NUP214: variants seen among roughly 807,000 people sequenced by gnomAD.
The protein encoded by NUP214 is nuclear pore complex protein Nup214.
A neutral mutation model predicts 196.2 loss-of-function variants in NUP214; 79 were observed. The ratio of observed to expected loss-of-function variants is 0.40; its 90% CI spans 0.34 to 0.49. The LOEUF (loss-of-function observed/expected upper bound fraction) is 0.49. Ranked by LOEUF, NUP214 falls within the 20% of genes least tolerant of loss-of-function variation. The pLI is 0.58. For synonymous variants in NUP214, 1,020 were observed against 990.5 expected (o/e 1.03, Z -0.56); for missense variants, 2,468 against 2,539.0 (o/e 0.97, Z 0.60).
At chr9:131,145,712 C>T (rs1832068723) in intron 12 of NUP214, among the ~76,000 whole-genome samples, 1 of 152,162 alleles carries the variant, frequency 6.6e-6, no homozygotes, top group Admixed American at 6.5e-5. Context: ...CTTCCTTTTT[C>T]ACTCCCCAGA....
Position 131,187,339 on chromosome 9 carries a change from C to T in NUP214, c.3470C>T (p.Pro1157Leu). The change falls in exon 25 of 36, where the codon CCA becomes CTA. Residue 1157 changes from proline (P) to leucine (L), a missense_variant. Around this residue, in one of 5 missense-constraint regions of NUP214, gnomAD observed 1,801 missense variants for 1,779.4 expected, o/e 1.01. Coordinates refer to ENST00000359428, the MANE Select transcript of NUP214 (RefSeq NM_005085.4). Reference protein sequence around the residue: ...TAKTPHPVLTPVAANQAKQGS... With the variant: ...TAKTPHPVLTLVAANQAKQGS... Reference sequence around the variant, plus strand: ...AAAACACCTCACCCAGTGTTGACCCCAGTGGCTGCTAACCAAGCCAAGCAG... The same window carrying T: ...AAAACACCTCACCCAGTGTTGACCCTAGTGGCTGCTAACCAAGCCAAGCAG... The T allele has an allele frequency of 1.9e-6, 3 of 1,613,312 alleles. No homozygotes were observed. The highest frequency in any genetic ancestry group is 2.5e-6 in the Non-Finnish European group (3 of 1,179,738).
rs1834601684 is a variant in NUP214, at chr9:131,222,864, A to G, written c.5836A>G (p.Thr1946Ala). The change falls in exon 32 of 36, where the codon ACT becomes GCT. Residue 1946 changes from threonine (T) to alanine (A), a missense_variant. Transcript: ENST00000359428. ...SSFGEQKPTG[T>A]FSSGGGSVAS... is the part of the protein sequence containing the mutation. ...GTTTGGAGAGCAGAAACCCACTGGCACTTTCAGCTCTGGAGGAGGAAGTGT... is the reference window on the plus strand; with the variant it reads ...GTTTGGAGAGCAGAAACCCACTGGCGCTTTCAGCTCTGGAGGAGGAAGTGT... 1 of 1,614,076 alleles carries G rather than the reference A, an allele frequency of 6.2e-7. No individual in the cohort carries two copies. The highest frequency in any genetic ancestry group is 1.7e-5 in the Admixed American group (1 of 60,004).
At chr9:131,163,991 A>G (rs1832715309) in intron 20 of NUP214, 36 bp downstream of exon 20, 2 of 1,612,174 alleles carry the variant, frequency 1.2e-6, no homozygotes, top group Middle Eastern at 1.6e-4. Flanking sequence ...AACTCCCTTT[A>G]TTCTCTTCCA....
intron 30 of NUP214, 44 bp downstream of exon 30, chr9:131,201,761 C>T (rs1290590504): frequency 5.3e-6 from 8 of 1,516,848 alleles, no homozygotes; most frequent in Non-Finnish European, 7.3e-6. Context: ...TGTATCAAAC[C>T]CATTCAGTTT....
chr9:131,191,513 G>A lies in NUP214; in HGVS notation c.3575-695G>A, dbSNP rs532359842. 19 of 152,224 alleles carry A rather than the reference G, an allele frequency of 1.2e-4. No individual in the cohort carries two copies. In the East Asian group the frequency reaches 3.7e-3, roughly 29 times the overall value. 9.4% of individuals were successfully genotyped at this position (152,224 alleles called of 1,614,324 possible). On this transcript the variant is annotated intron_variant, in intron 26 of 35. Transcript: ENST00000359428. The stretch of plus-strand genomic sequence containing the variant: ...GTAGAGCAGTAGGGAAAAGATTGAA[G>A]ATTGTACCCAAACTATAAGTAAGTA...
chr9:131,233,164 T>C (rs1348670652), intron 35 of NUP214, among the ~76,000 whole-genome samples: 1 of 151,606 alleles, frequency 6.6e-6, no homozygotes, highest in Non-Finnish European at 1.5e-5. Flanking sequence ...TATATATATA[T>C]ACATATATAG....
intron 28 of NUP214, among the ~76,000 whole-genome samples, chr9:131,196,856 T>A (rs530357013): frequency 1.6e-3 from 241 of 152,356 alleles, no homozygotes; most frequent in Admixed American, 0.015. Context: ...CCACAGGCCA[T>A]TGCTGTGCTG....
chr9:131,199,392 C>T (rs1833885040), intron 29 of NUP214, among the ~76,000 whole-genome samples: 1 of 152,156 alleles, frequency 6.6e-6, no homozygotes, highest in Non-Finnish European at 1.5e-5. Flanking sequence ...TGTCAAGCCT[C>T]AAGGAGACTG....
At chr9:131,186,271 G>A (rs1438529915) in intron 24 of NUP214, among the ~76,000 whole-genome samples, 2 of 152,172 alleles carry the variant, frequency 1.3e-5, no homozygotes, top group African/African-American at 4.8e-5. Flanking sequence ...AGCATGAAAC[G>A]GGTTTTGTTT....
chr9:131,203,963 G>C lies in NUP214; in HGVS notation c.5592+2246G>C, dbSNP rs571819852. On this transcript the variant is annotated intron_variant, in intron 30 of 35. Coordinates refer to ENST00000359428, the MANE Select transcript of NUP214 (RefSeq NM_005085.4). ...AGAGACCCTTCAGCTGGGACTCCAT[G>C]TTGACAGGTCTCAGCCCCTGACTAG... Among the ~76,000 whole-genome samples the C allele has an allele frequency of 2.2e-4, 34 of 152,344 alleles. No homozygotes were observed. The South Asian group carries it at 3.7e-3, about 17-fold the overall frequency.
Position 131,146,396 on chromosome 9 carries a change from CAAGGTTA to C in NUP214, c.1945+93_1945+99del. Reference sequence around the variant, plus strand: ...AAGAGTCGTAGCTAACATAGTTGGACAAGGTTATTTTTTCTTGCTTCCTGTATCATAC... The same window carrying C: ...AAGAGTCGTAGCTAACATAGTTGGACTTTTTTCTTGCTTCCTGTATCATAC... On this transcript the variant is annotated intron_variant, in intron 13 of 35. Transcript: ENST00000359428. The surrounding 1 kb of genome is among the most constrained non-coding windows in gnomAD (Gnocchi z 4.6). 7.7e-7 allele frequency: 1 copy of C among 1,301,036 alleles called. No individual in the cohort carries two copies. Among genetic ancestry groups the C allele is most frequent in the African/African-American group, 1.5e-5 (1 of 67,768 alleles). The allele number at this position is 1,301,036 out of a possible 1,614,324, so 80.6% of individuals were successfully genotyped here.
In NUP214 at chr9:131,211,925, A is replaced by G. The variant is rs112622764; in HGVS notation, c.5593-3287A>G. Among the ~76,000 whole-genome samples, 1,391 of 152,334 alleles carry G rather than the reference A, an allele frequency of 9.1e-3. 16 individuals are homozygous for G. The highest frequency in any genetic ancestry group is 0.02 in the Middle Eastern group (6 of 294). Reference sequence around the variant, plus strand: ...CTGCGATTTTCATGGAACAAGGGAGATAACCATTGGGCCTGACTGCCTGAG... The same window carrying G: ...CTGCGATTTTCATGGAACAAGGGAGGTAACCATTGGGCCTGACTGCCTGAG... On this transcript the variant is annotated intron_variant, in intron 30 of 35. Transcript: ENST00000359428.
chr9:131,201,423 G>A (rs1287580880), intron 29 of NUP214, among the ~76,000 whole-genome samples: 1 of 151,744 alleles, frequency 6.6e-6, no homozygotes, highest in Non-Finnish European at 1.5e-5. Context: ...AAAATTAGCT[G>A]GGCATGGTGG....
intron 24 of NUP214, among the ~76,000 whole-genome samples, chr9:131,178,955 G>C (rs1833191454): frequency 6.6e-6 from 1 of 151,832 alleles, no homozygotes; most frequent in Non-Finnish European, 1.5e-5. Flanking sequence ...TGTTTTTTTG[G>C]TGGTGGTGGT....
rs1424292938 is a variant in NUP214, at chr9:131,129,495, TCA to T, written c.592+22_592+23del. 1.9e-6 allele frequency: 3 copies of T among 1,606,742 alleles called. No homozygotes were observed. In the East Asian group the frequency reaches 6.7e-5, roughly 36 times the overall value. On this transcript the variant is annotated intron_variant, in intron 4 of 35. Coordinates refer to ENST00000359428, the MANE Select transcript of NUP214 (RefSeq NM_005085.4). ...AACCTCTGGTGAGTAATAAAGGCTT[TCA>T]CACTGTAGCATACAATCATGGTCAT...
intron 4 of NUP214, 96 bp from the exon 5 acceptor site, chr9:131,130,670 A>G: frequency 8.8e-7 from 1 of 1,139,168 alleles, no homozygotes; most frequent in Middle Eastern, 2.1e-4. Context: ...CCATGGACTG[A>G]CAGAGGAATG....
At position 131,222,678 on chromosome 9, in the gene NUP214, C is replaced by T. The variant is rs887894581; in HGVS notation, c.5750-100C>T. ...TTGGCTTCTAGGCGGCTTGTCACTCCCATCTTTCCAAACACCCAACTGAGA... is the reference window on the plus strand; with the variant it reads ...TTGGCTTCTAGGCGGCTTGTCACTCTCATCTTTCCAAACACCCAACTGAGA... On this transcript the variant is annotated intron_variant, in intron 31 of 35. Coordinates refer to ENST00000359428, the MANE Select transcript of NUP214 (RefSeq NM_005085.4). 49 of 1,409,122 alleles carry T rather than the reference C, an allele frequency of 3.5e-5. No homozygotes were observed. The Middle Eastern group carries it at 5.9e-4, about 17-fold the overall frequency. 87.3% of individuals were successfully genotyped at this position (1,409,122 alleles called of 1,614,324 possible).
In NUP214 at chr9:131,146,233, G is replaced by T; in HGVS notation, c.1874G>T (p.Ser625Ile). 1 of 1,614,064 alleles carries T rather than the reference G, an allele frequency of 6.2e-7. No individual in the cohort carries two copies. Among genetic ancestry groups the T allele is most frequent in the Non-Finnish European group, 8.5e-7 (1 of 1,180,006 alleles). ...ASKPAASGPLSHPTPLSAPPS... is the reference protein window; with the variant it reads ...ASKPAASGPLIHPTPLSAPPS... ...AAGCCAGCTGCTTCTGGACCACTCA[G>T]CCACCCCACACCTCTCTCAGCACCA... Residue 625 changes from serine (S) to isoleucine (I), a missense_variant, in exon 13 of 36, where the codon AGC (serine) becomes ATC (isoleucine). Physicochemically the swap from Ser to Ile is moderately radical, Grantham distance 142. Around this residue, in one of 5 missense-constraint regions of NUP214, gnomAD observed 1,801 missense variants for 1,779.4 expected, o/e 1.01. Transcript: ENST00000359428. This position sits in a 1 kb window ranked among gnomAD's most constrained non-coding sequence, Gnocchi z 4.6.
intron 31 of NUP214, 169 bp from the exon 32 acceptor site, chr9:131,222,609 A>C: frequency 1.6e-6 from 1 of 633,878 alleles, no homozygotes; most frequent in East Asian, 3.0e-5. Flanking sequence ...AGGTGCGTGA[A>C]AATCAGAGAA....
Sources: allele counts gnomAD v4.1 joint callset (sites outside exome capture counted in the v4.1 genomes callset), GRCh38; gene constraint gnomAD v4.1.1; regional missense constraint gnomAD v4.1.1; non-coding constraint Gnocchi (gnomAD v3.1); transcripts MANE v1.5; gene names NCBI Gene and HGNC (gene_info 2026-07-23, HGNC 2026-07-21).